The following COX15 variants were observed in gnomAD, a reference collection of about 807,000 sequenced individuals.
COX15 encodes the protein heme A synthase COX15.
A neutral mutation model predicts 51.9 loss-of-function variants in COX15; 51 were observed. That is an observed-to-expected ratio of 0.98 (90% confidence interval 0.78 to 1.24). The LOEUF (loss-of-function observed/expected upper bound fraction) is 1.24, where lower values mean the gene tolerates loss of function less well. COX15 is among the 50% of genes most tolerant of loss of function. The pLI, the probability that COX15 is intolerant of heterozygous loss-of-function variation, is 0.00. For synonymous variants in COX15, 188 were observed against 190.5 expected, an observed-to-expected ratio of 0.99 and a Z score of 0.11; for missense variants, 420 against 501.1, an observed-to-expected ratio of 0.84 and a Z score of 1.55.
At position 99,712,257 on chromosome 10, in the gene COX15, G is replaced by A; in HGVS notation, c.*2330C>T. On this transcript the variant is annotated 3_prime_UTR_variant, in exon 9 of 9. Transcript: ENST00000016171. ...ACACTACAGGTCACAGAAACTTACA[G>A]AGTACTGGAGTTGAAAGAGAACTGA... 1 of 985,432 alleles carries A rather than the reference G, an allele frequency of 1.0e-6. No individual in the cohort carries two copies. Among genetic ancestry groups the A allele is most frequent in the Non-Finnish European group, 1.2e-6 (1 of 829,936 alleles). The allele number at this position is 985,432 out of a possible 1,614,324, so 61.0% of individuals were successfully genotyped here.
downstream of COX15, chr10:99,709,604 T>G: frequency 1.0e-6 from 1 of 985,362 alleles, no homozygotes; most frequent in Non-Finnish European, 1.2e-6. Context: ...AACTTTTAGG[T>G]TGTGTTCTTG....
chr10:99,718,239 T>C (rs1451688165), intron 7 of COX15, 107 bp downstream of exon 7: 6 of 1,140,042 alleles, frequency 5.3e-6, no homozygotes, highest in Admixed American at 4.4e-5. Flanking sequence ...GCAGGAAATA[T>C]AGTTCCTGCT....
chr10:99,696,180 G>T, the COX15 span: 1 of 1,578,830 alleles, frequency 6.3e-7, no homozygotes. Context: ...CAGATATTAG[G>T]GAGAAATACT....
chr10:99,729,215 AC>A (rs1288896145), intron 2 of COX15, among the ~76,000 whole-genome samples: 1 of 152,134 alleles, frequency 6.6e-6, no homozygotes, highest in Non-Finnish European at 1.5e-5. Flanking sequence ...TAATCCTGGC[AC>A]TTTGGGAGGC....
In COX15 at chr10:99,723,928, AAC is replaced by A. The variant is rs756708308; in HGVS notation, c.750+26_750+27del. 6.8e-6 allele frequency: 11 copies of A among 1,612,524 alleles called. No homozygotes were observed. In the South Asian group the frequency reaches 1.1e-4, roughly 16 times the overall value. ...CAAAAGAACCAAAAGCGGGGTCTTG[AAC>A]ACAGATATTTGCACACAACTCTTAC... On this transcript the variant is annotated intron_variant, in intron 5 of 8. Coordinates refer to ENST00000016171, the MANE Select transcript of COX15 (RefSeq NM_078470.6).
chr10:99,710,482 C>G, downstream of COX15: 1 of 985,380 alleles, frequency 1.0e-6, no homozygotes, highest in Non-Finnish European at 1.2e-6. Context: ...GCCTGTATTA[C>G]ATTGCTTTGG....
At position 99,713,142 on chromosome 10, in the gene COX15, A is replaced by G; in HGVS notation, c.*1445T>C. On this transcript the variant is annotated 3_prime_UTR_variant, in exon 9 of 9. Coordinates refer to ENST00000016171, the MANE Select transcript of COX15 (RefSeq NM_078470.6). Reference sequence around the variant, plus strand: ...TGACACTTCTACTGATAAAACCTGAAGTACCACTAATTTTTCTGTTATCAT... The same window carrying G: ...TGACACTTCTACTGATAAAACCTGAGGTACCACTAATTTTTCTGTTATCAT... 1 of 1,314,402 alleles carries G rather than the reference A, an allele frequency of 7.6e-7. No homozygotes were observed. Among genetic ancestry groups the G allele is most frequent in the Non-Finnish European group, 9.7e-7 (1 of 1,026,034 alleles). 81.4% of individuals were successfully genotyped at this position (1,314,402 alleles called of 1,614,324 possible). A position where few individuals can be genotyped will look rare whatever the true frequency, so the allele number is the denominator to read the frequency against.
At chr10:99,701,060 T>C in the COX15 span, 1 of 1,612,860 alleles carries the variant, frequency 6.2e-7, no homozygotes, top group Non-Finnish European at 8.5e-7. Flanking sequence ...TCGACTCAAG[T>C]AAGTTACTTC....
At position 99,711,322 on chromosome 10, in the gene COX15, T is replaced by C; in HGVS notation, c.*3265A>G. 1.0e-6 allele frequency: 1 copy of C among 985,442 alleles called. No individual in the cohort carries two copies. Among genetic ancestry groups the C allele is most frequent in the East Asian group, 1.1e-4 (1 of 8,816 alleles). 61.0% of individuals were successfully genotyped at this position (985,442 alleles called of 1,614,324 possible). A position where few individuals can be genotyped will look rare whatever the true frequency, so the allele number is the denominator to read the frequency against. ...TTCTTTGGGTTGGGTCATACTGCCC[T>C]CTGCTGACTCAGTTACTAACTAAGG... On this transcript the variant is annotated 3_prime_UTR_variant, in exon 9 of 9. Coordinates refer to ENST00000016171, the MANE Select transcript of COX15 (RefSeq NM_078470.6).
downstream of COX15, chr10:99,709,906 G>A: frequency 2.0e-6 from 2 of 985,410 alleles, no homozygotes; most frequent in Non-Finnish European, 2.4e-6. Flanking sequence ...GAGCAATACG[G>A]AGATCCTTTT....
the COX15 span, chr10:99,705,014 G>A: frequency 3.4e-6 from 1 of 291,258 alleles, no homozygotes; most frequent in Non-Finnish European, 6.6e-6. Flanking sequence ...AAAGCATGAA[G>A]TTTGGCATTT....
Position 99,711,788 on chromosome 10 carries a change from T to C in COX15, c.*2799A>G. 1.0e-6 allele frequency: 1 copy of C among 985,430 alleles called. No individual in the cohort carries two copies. Among genetic ancestry groups the C allele is most frequent in the Non-Finnish European group, 1.2e-6 (1 of 829,944 alleles). 61.0% of individuals were successfully genotyped at this position (985,430 alleles called of 1,614,324 possible). ...ATTTATGAAAAATTGACAAACTGTT[T>C]TGCTAAGAATCACCTGTGTTAGTCG... On this transcript the variant is annotated 3_prime_UTR_variant, in exon 9 of 9. Transcript: ENST00000016171.
chr10:99,713,300 G>C lies in COX15; in HGVS notation c.*1287C>G. 1.3e-6 allele frequency: 2 copies of C among 1,567,870 alleles called. No homozygotes were observed. The highest frequency in any genetic ancestry group is 1.7e-6 in the Non-Finnish European group (2 of 1,146,402). ...TATACAACTTATTTAATTTAAATGAGTATGTTACATTTCTAATCTGTTTAA... is the reference window on the plus strand; with the variant it reads ...TATACAACTTATTTAATTTAAATGACTATGTTACATTTCTAATCTGTTTAA... On this transcript the variant is annotated 3_prime_UTR_variant, in exon 9 of 9. Transcript: ENST00000016171.
At position 99,729,561 on chromosome 10, in the gene COX15, TCCA is replaced by T; in HGVS notation, c.261_263del (p.Gly88del). The T allele has an allele frequency of 6.2e-7, 1 of 1,612,896 alleles. No homozygotes were observed. The highest frequency in any genetic ancestry group is 1.1e-5 in the South Asian group (1 of 91,050). ...ACGAGCAAATTACTTACCTAGTTAC[TCCA>T]CCAAGAATAACTGCTCCAGCCACTG... On this transcript the variant is annotated inframe_deletion, in exon 2 of 9. Coordinates refer to ENST00000016171, the MANE Select transcript of COX15 (RefSeq NM_078470.6).
intron 6 of COX15, among the ~76,000 whole-genome samples, chr10:99,720,275 T>C (rs2036718269): frequency 6.6e-6 from 1 of 152,128 alleles, no homozygotes; most frequent in African/African-American, 2.4e-5. Flanking sequence ...TGAAACCCCA[T>C]CTCTACTAAA....
In COX15 at chr10:99,722,670, TA is replaced by T. The variant is rs1198619405; in HGVS notation, c.750+1285del. Among the ~76,000 whole-genome samples, 8 of 152,078 alleles carry T rather than the reference TA, an allele frequency of 5.3e-5. No homozygotes were observed. In the East Asian group the frequency reaches 1.6e-3, roughly 30 times the overall value. On this transcript the variant is annotated intron_variant, in intron 5 of 8. Transcript: ENST00000016171. ...CAACATGGTGAAACCCTGTCTCTAC[TA>T]AAAATACAGAAAATTAGCCGAGCAT...
At chr10:99,725,086 T>C (rs1292322157) in intron 4 of COX15, among the ~76,000 whole-genome samples, 1 of 152,266 alleles carries the variant, frequency 6.6e-6, no homozygotes, top group Non-Finnish European at 1.5e-5. Context: ...TTATGTATCA[T>C]ATTCTATGAT....
chr10:99,712,285 TC>T lies in COX15; in HGVS notation c.*2301del. The T allele has an allele frequency of 1.0e-6, 1 of 985,410 alleles. No individual in the cohort carries two copies. The highest frequency in any genetic ancestry group is 1.2e-6 in the Non-Finnish European group (1 of 829,902). 61.0% of individuals were successfully genotyped at this position (985,410 alleles called of 1,614,324 possible). On this transcript the variant is annotated 3_prime_UTR_variant, in exon 9 of 9. Transcript: ENST00000016171. ...TACTGGAGTTGAAAGAGAACTGAGA[TC>T]ACCTAGTTCAGAGACTAACGGGAAA...
rs1248573731 is a variant in COX15 at position 99,714,733 on chromosome 10, A to G, written c.1102-15T>C. 3 of 1,612,422 alleles carry G rather than the reference A, an allele frequency of 1.9e-6. No homozygotes were observed. Among genetic ancestry groups the G allele is most frequent in the Non-Finnish European group, 2.5e-6 (3 of 1,179,984 alleles). ...CCCAAGCCCACCTGTCACAAAGGAA[A>G]GAAGGCAATAGGAAAGGCAGTAACC... On this transcript the variant is annotated splice_polypyrimidine_tract_variant and intron_variant, in intron 8 of 8. Transcript: ENST00000016171.
Sources: allele counts gnomAD v4.1 joint callset (sites outside exome capture counted in the v4.1 genomes callset), GRCh38; gene constraint gnomAD v4.1.1; transcripts MANE v1.5; gene names NCBI Gene and HGNC (gene_info 2026-07-23, HGNC 2026-07-21).